Variants in THSD4 observed in about 807,000 individuals in gnomAD.
The protein encoded by THSD4 is thrombospondin type 1 domain containing 4, also known as thrombospondin type-1 domain-containing protein 4.
A neutral mutation model predicts 119.0 loss-of-function variants in THSD4; 69 were observed. The observed-to-expected ratio is 0.58, with a 90% CI of 0.48 to 0.71. THSD4 has a LOEUF of 0.71. THSD4 is among the 30% of genes least tolerant of loss of function. The pLI, the probability that THSD4 is intolerant of heterozygous loss-of-function variation, is 0.00. For missense variants in THSD4, 1,393 were observed against 1,391.1 expected (o/e 1.00, Z -0.02); for synonymous variants, 524 against 540.4 (o/e 0.97, Z 0.42).
intron 3 of THSD4, among the ~76,000 whole-genome samples, chr15:71,180,934 A>T (rs917953248): frequency 6.6e-6 from 1 of 150,912 alleles, no homozygotes; most frequent in African/African-American, 2.4e-5. Context: ...TACCTCAATT[A>T]AAAAAAAAGA....
At chr15:71,194,078 A>G (rs2043699377) in intron 3 of THSD4, among the ~76,000 whole-genome samples, 1 of 152,152 alleles carries the variant, frequency 6.6e-6, no homozygotes, top group Non-Finnish European at 1.5e-5. Flanking sequence ...GCCTGCTGCC[A>G]TGTAAGATGT....
At position 71,681,909 on chromosome 15, in the gene THSD4, G is replaced by A. The variant is rs551998677; in HGVS notation, c.1357+21175G>A. Among the ~76,000 whole-genome samples the A allele has an allele frequency of 1.6e-4, 24 of 152,170 alleles. No individual in the cohort carries two copies. The South Asian group carries it at 1.7e-3, about 11-fold the overall frequency. On this transcript the variant is annotated intron_variant, in intron 8 of 17. Coordinates refer to ENST00000261862, the MANE Select transcript of THSD4 (RefSeq NM_024817.3). Reference sequence around the variant, plus strand: ...CTATTAGATGTTCCTCTTTTAATATGAATACTGACTTACTATTCTCTGATG... The same window carrying A: ...CTATTAGATGTTCCTCTTTTAATATAAATACTGACTTACTATTCTCTGATG...
At chr15:71,342,111 TTTGA>T (rs956392029) in intron 6 of THSD4, among the ~76,000 whole-genome samples, 9 of 149,900 alleles carry the variant, frequency 6.0e-5, no homozygotes, top group South Asian at 2.1e-4. Context: ...TGATACATCC[TTTGA>T]TTGACTGAAA....
At chr15:71,475,088 C>G (rs1388074683) in intron 7 of THSD4, among the ~76,000 whole-genome samples, 2 of 152,174 alleles carry the variant, frequency 1.3e-5, no homozygotes, top group Non-Finnish European at 2.9e-5. Context: ...GATGCAAACT[C>G]AAGTTTGAGA....
rs2040564212 is a variant in THSD4 at position 71,137,680 on chromosome 15, A to G, written c.-79-3769A>G. ...CACGGAAGCTCAAGTAACAGCCAAG[A>G]AGAATGGCAGAGCTGGAAACTGCCA... On this transcript the variant is annotated intron_variant, in intron 1 of 17. Transcript: ENST00000261862. 2.0e-5 allele frequency among the ~76,000 whole-genome samples: 3 copies of G among 152,158 alleles called. No individual in the cohort carries two copies. In the South Asian group the frequency reaches 6.2e-4, roughly 32 times the overall value.
intron 7 of THSD4, among the ~76,000 whole-genome samples, chr15:71,452,461 T>G (rs1224552412): frequency 7.1e-6 from 1 of 141,742 alleles, no homozygotes; most frequent in Admixed American, 7.4e-5. Context: ...TCTCCCCTCC[T>G]CCCTCAGCTC....
intron 1 of THSD4, among the ~76,000 whole-genome samples, chr15:71,138,844 C>T (rs565306827): frequency 1.3e-5 from 2 of 151,500 alleles, no homozygotes; most frequent in African/African-American, 4.9e-5. Flanking sequence ...TCTCCAGCAT[C>T]GAGGCTGTAA....
At chr15:71,643,950 G>A (rs534225022) in intron 7 of THSD4, among the ~76,000 whole-genome samples, 2 of 152,302 alleles carry the variant, frequency 1.3e-5, no homozygotes, top group East Asian at 1.9e-4. Flanking sequence ...TTACACGTAG[G>A]CGTATACTGT....
chr15:71,237,495 C>T (rs551994836), intron 4 of THSD4, among the ~76,000 whole-genome samples: 6 of 152,222 alleles, frequency 3.9e-5, no homozygotes, highest in East Asian at 1.9e-4. Flanking sequence ...GTGTTGACTT[C>T]GAAGTGACAC....
At chr15:71,128,107 A>C (rs962720736) in intron 1 of THSD4, among the ~76,000 whole-genome samples, 3 of 152,172 alleles carry the variant, frequency 2.0e-5, no homozygotes, top group Non-Finnish European at 4.4e-5. Context: ...ATAAAACTTC[A>C]CTGATGGGTT....
chr15:71,433,363 A>G (rs1382523807), intron 7 of THSD4, among the ~76,000 whole-genome samples: 3 of 151,052 alleles, frequency 2.0e-5, no homozygotes, highest in Non-Finnish European at 4.4e-5. Context: ...TGTTTATCCC[A>G]TTCATATTTA....
chr15:71,745,007 C>A, intron 11 of THSD4, 99 bp from the exon 12 acceptor site: 2 of 1,464,164 alleles, frequency 1.4e-6, no homozygotes, highest in Non-Finnish European at 1.8e-6. Flanking sequence ...TGTTTCTGTG[C>A]CCTCTCTTCA....
intron 7 of THSD4, among the ~76,000 whole-genome samples, chr15:71,538,489 T>C (rs565582352): frequency 1.3e-3 from 199 of 152,368 alleles, no homozygotes; most frequent in Non-Finnish European, 2.4e-3. Flanking sequence ...TGCTATGTTT[T>C]AGTATCTGAC....
At position 71,737,816 on chromosome 15, in the gene THSD4, A is replaced by G; in HGVS notation, c.1715A>G (p.Asp572Gly). ...AAAGGGAGGAACGAGGAGAAGGAAG[A>G]CTTGCGTGGGGAGGCCCCTGAGATG... ...EQKGRNEEKE[D>G]LRGEAPEMFT... Residue 572 changes from aspartate (D) to glycine (G), a missense_variant, in exon 11 of 18, where the codon GAC (aspartate) becomes GGC (glycine). Coordinates refer to ENST00000261862, the MANE Select transcript of THSD4 (RefSeq NM_024817.3). 6.2e-7 allele frequency: 1 copy of G among 1,614,252 alleles called. No individual in the cohort carries two copies. The highest frequency in any genetic ancestry group is 1.1e-5 in the South Asian group (1 of 91,080).
chr15:71,671,201 T>C (rs371285239), intron 8 of THSD4, among the ~76,000 whole-genome samples: 16 of 152,214 alleles, frequency 1.1e-4, no homozygotes, highest in East Asian at 3.8e-4. Context: ...TGGTATCTCA[T>C]TGTGGTTTTG....
chr15:71,484,140 G>A (rs190837837), intron 7 of THSD4, among the ~76,000 whole-genome samples: 1 of 152,286 alleles, frequency 6.6e-6, no homozygotes, highest in East Asian at 1.9e-4. Context: ...CTCAGATGGA[G>A]ATACTGCCGT....
intron 6 of THSD4, among the ~76,000 whole-genome samples, chr15:71,323,953 G>A (rs1250470916): frequency 6.6e-6 from 1 of 152,136 alleles, no homozygotes; most frequent in Admixed American, 6.5e-5. Flanking sequence ...TTTTACCAAA[G>A]TCGTGTTGCA....
chr15:71,271,867 A>T (rs1417505575), intron 6 of THSD4, among the ~76,000 whole-genome samples: 1 of 152,216 alleles, frequency 6.6e-6, no homozygotes, highest in Non-Finnish European at 1.5e-5. Flanking sequence ...ACACTACAAG[A>T]CATCAGTCTA....
intron 6 of THSD4, among the ~76,000 whole-genome samples, chr15:71,402,296 A>G (rs1444269206): frequency 1.3e-5 from 2 of 152,098 alleles, no homozygotes; most frequent in African/African-American, 2.4e-5. Context: ...CACCATGGAT[A>G]CACACTCCCC....
Sources: gnomAD v4.1 joint callset for allele counts (sites outside exome capture counted in the v4.1 genomes callset) on GRCh38, gnomAD v4.1.1 for gene constraint, MANE v1.5 for transcripts, NCBI Gene and HGNC (gene_info 2026-07-23, HGNC 2026-07-21) for gene names.